Variants in NFIB observed in about 807,000 individuals in gnomAD.
NFIB encodes the protein nuclear factor I B.
In NFIB, 11 loss-of-function variants were observed where a neutral mutation model predicts 61.5. That is an observed-to-expected ratio of 0.18 (90% CI 0.11 to 0.30). The LOEUF is 0.30. Ranked by LOEUF, NFIB falls within the 10% of genes least tolerant of loss-of-function variation. The pLI, the probability that NFIB is intolerant of heterozygous loss-of-function variation, is 1.00. For synonymous variants in NFIB, 260 were observed against 216.5 expected (o/e 1.20, Z -1.76); for missense variants, 471 against 608.9 (o/e 0.77, Z 2.38).
the NFIB span, among the ~76,000 whole-genome samples, chr9:14,414,419 G>A: frequency 7.3e-6 from 1 of 136,842 alleles, no homozygotes; most frequent in Non-Finnish European, 1.5e-5. Flanking sequence ...TGCGGACAGA[G>A]TGAGACTGTC....
intron 2 of NFIB, among the ~76,000 whole-genome samples, chr9:14,222,289 C>T (rs549047709): frequency 2.0e-5 from 3 of 152,292 alleles, no homozygotes; most frequent in African/African-American, 7.2e-5. Context: ...AAGATGGCCC[C>T]TAAGACTTCC....
chr9:14,152,224 T>C (rs1050415999), intron 4 of NFIB, among the ~76,000 whole-genome samples: 2 of 152,132 alleles, frequency 1.3e-5, no homozygotes, highest in African/African-American at 4.8e-5. Flanking sequence ...GTTCATGTTA[T>C]ATAATACACT....
chr9:14,248,953 C>G (rs1387364500), intron 2 of NFIB, among the ~76,000 whole-genome samples: 1 of 152,176 alleles, frequency 6.6e-6, no homozygotes, highest in Non-Finnish European at 1.5e-5. Context: ...ATTTGAACAC[C>G]TGAATCAAAC....
intron 2 of NFIB, chr9:14,204,547 C>G (rs2049415813): frequency 5.1e-6 from 7 of 1,361,996 alleles, no homozygotes. Context: ...AGCTGCCCCA[C>G]AAGTACAGAC....
chr9:14,172,904 G>A (rs760737678), intron 3 of NFIB, among the ~76,000 whole-genome samples: 11 of 152,038 alleles, frequency 7.2e-5, no homozygotes, highest in Non-Finnish European at 1.5e-4. Context: ...CAAGTAGCTG[G>A]GACTACAGGC....
chr9:14,218,277 AT>A (rs2051190984), intron 2 of NFIB, among the ~76,000 whole-genome samples: 1 of 152,192 alleles, frequency 6.6e-6, no homozygotes, highest in Non-Finnish European at 1.5e-5. Flanking sequence ...TAAGTTTAAA[AT>A]TCTTTTGTTT....
chr9:14,304,075 C>A (rs1056780050), intron 2 of NFIB, among the ~76,000 whole-genome samples: 4 of 152,144 alleles, frequency 2.6e-5, no homozygotes, highest in Non-Finnish European at 5.9e-5. Flanking sequence ...CTCATGGCCA[C>A]GTGATGCAAA....
the NFIB span, among the ~76,000 whole-genome samples, chr9:14,480,369 C>T: frequency 6.6e-6 from 1 of 152,080 alleles, no homozygotes; most frequent in Non-Finnish European, 1.5e-5. Flanking sequence ...TAAGATTTGC[C>T]AATGACATCA....
chr9:14,163,250 G>T (rs1317188114), intron 3 of NFIB, among the ~76,000 whole-genome samples: 2 of 151,754 alleles, frequency 1.3e-5, no homozygotes, highest in African/African-American at 4.8e-5. Context: ...AAGAAAATAG[G>T]ATGTAAAAAT....
At chr9:14,425,901 G>A in the NFIB span, among the ~76,000 whole-genome samples, 309 of 152,234 alleles carry the variant, frequency 2.0e-3, 1 homozygote, top group African/African-American at 6.9e-3. Flanking sequence ...GCTCTAGGGG[G>A]AACCTCACCT....
At chr9:14,366,125 T>C (rs192398178) in intron 1 of NFIB, among the ~76,000 whole-genome samples, 60 of 152,304 alleles carry the variant, frequency 3.9e-4, no homozygotes, top group Non-Finnish European at 5.9e-5. Flanking sequence ...AGTTGCATTA[T>C]ATAAAATTTT....
At chr9:14,477,879 GTTC>G in the NFIB span, among the ~76,000 whole-genome samples, 4 of 152,122 alleles carry the variant, frequency 2.6e-5, no homozygotes, top group South Asian at 4.1e-4. Context: ...GCAAAAAATA[GTTC>G]TTCTACTGTA....
chr9:14,470,624 T>A, the NFIB span, among the ~76,000 whole-genome samples: 1 of 152,082 alleles, frequency 6.6e-6, no homozygotes, highest in Non-Finnish European at 1.5e-5. Context: ...GGGGATTTCC[T>A]CTAGAGAGGG....
chr9:14,273,462 C>A (rs1041329033), intron 2 of NFIB, among the ~76,000 whole-genome samples: 1 of 152,124 alleles, frequency 6.6e-6, no homozygotes, highest in African/African-American at 2.4e-5. Flanking sequence ...AGTTATACAT[C>A]CCAAATAAAT....
chr9:14,330,465 GT>G (rs1284248525), intron 1 of NFIB, among the ~76,000 whole-genome samples: 2 of 151,974 alleles, frequency 1.3e-5, no homozygotes, highest in African/African-American at 4.8e-5. Flanking sequence ...TTTGAAAAAC[GT>G]TTTTTAAATA....
chr9:14,241,246 A>G (rs1485098645), intron 2 of NFIB, among the ~76,000 whole-genome samples: 1 of 152,212 alleles, frequency 6.6e-6, no homozygotes, highest in African/African-American at 2.4e-5. Context: ...GCCATTACCA[A>G]GGCTAAGTAA....
chr9:14,180,462 C>T (rs1183773682), intron 2 of NFIB, among the ~76,000 whole-genome samples: 1 of 152,148 alleles, frequency 6.6e-6, no homozygotes, highest in African/African-American at 2.4e-5. Flanking sequence ...AGGAAGAGAT[C>T]AATGTCGTAT....
intron 2 of NFIB, among the ~76,000 whole-genome samples, chr9:14,219,618 T>C (rs2051397078): frequency 6.6e-6 from 1 of 152,168 alleles, no homozygotes; most frequent in Non-Finnish European, 1.5e-5. Flanking sequence ...ATGGAGGAGT[T>C]ACTTTTGCTG....
chr9:14,188,375 C>T (rs1464205712), intron 2 of NFIB, among the ~76,000 whole-genome samples: 1 of 151,988 alleles, frequency 6.6e-6, no homozygotes, highest in African/African-American at 2.4e-5. Flanking sequence ...ATTAAATGCA[C>T]CAGCATAATA....
Sources: allele counts gnomAD v4.1 joint callset (sites outside exome capture counted in the v4.1 genomes callset), GRCh38; gene constraint gnomAD v4.1.1; transcripts MANE v1.5; gene names NCBI Gene and HGNC (gene_info 2026-07-23, HGNC 2026-07-21).